Variants in DRC8 observed in about 807,000 individuals in gnomAD.
DRC8 encodes the protein dynein regulatory complex protein 8.
chr1:245,041,810 G>A, the DRC8 span, among the ~76,000 whole-genome samples: 128 of 152,138 alleles, frequency 8.4e-4, no homozygotes, highest in Non-Finnish European at 1.5e-3. Flanking sequence ...ACAGTGGGAT[G>A]CTCGCGCACA....
chr1:244,989,469 G>A, the DRC8 span, among the ~76,000 whole-genome samples: 1 of 152,078 alleles, frequency 6.6e-6, no homozygotes, highest in Non-Finnish European at 1.5e-5. Flanking sequence ...TGATGTTTGT[G>A]TCCTGATTAG....
chr1:244,971,060 G>T, the DRC8 span: 1 of 155,806 alleles, frequency 6.4e-6, no homozygotes, highest in African/African-American at 2.4e-5. Context: ...GCCTGATGGC[G>T]TTCGCGGCCA....
chr1:245,011,939 G>A, the DRC8 span, among the ~76,000 whole-genome samples: 431 of 152,256 alleles, frequency 2.8e-3, 1 homozygote, highest in African/African-American at 9.6e-3. Context: ...GCTCTGGCTG[G>A]GCGCAGTGGC....
the DRC8 span, among the ~76,000 whole-genome samples, chr1:245,112,614 C>T: frequency 6.6e-6 from 1 of 152,212 alleles, no homozygotes; most frequent in Non-Finnish European, 1.5e-5. Flanking sequence ...ATTTTAACCA[C>T]TTCCATGCAT....
At chr1:245,030,149 C>T in the DRC8 span, among the ~76,000 whole-genome samples, 39 of 152,296 alleles carry the variant, frequency 2.6e-4, no homozygotes, top group East Asian at 7.1e-3. Flanking sequence ...CAAAGAACAG[C>T]TCATGGTAGT....
At chr1:245,118,427 A>G in the DRC8 span, among the ~76,000 whole-genome samples, 1 of 152,198 alleles carries the variant, frequency 6.6e-6, no homozygotes, top group East Asian at 1.9e-4. Context: ...GGAGAACACC[A>G]TGTGTCACCT....
At chr1:245,002,383 A>G in the DRC8 span, among the ~76,000 whole-genome samples, 1 of 152,278 alleles carries the variant, frequency 6.6e-6, no homozygotes, top group Admixed American at 6.5e-5. Flanking sequence ...TTTGATAGCT[A>G]TTGTCCTTAA....
chr1:244,990,943 G>C, the DRC8 span, among the ~76,000 whole-genome samples: 1 of 152,016 alleles, frequency 6.6e-6, no homozygotes, highest in Non-Finnish European at 1.5e-5. Context: ...ACACCAACTG[G>C]GAGTCCTACA....
At chr1:245,083,672 G>C in the DRC8 span, 1 of 1,609,996 alleles carries the variant, frequency 6.2e-7, no homozygotes, top group South Asian at 1.1e-5. Flanking sequence ...AGCTGATCAA[G>C]TATATGACTG....
At chr1:245,039,424 A>G in the DRC8 span, among the ~76,000 whole-genome samples, 18 of 149,004 alleles carry the variant, frequency 1.2e-4, no homozygotes, top group South Asian at 1.5e-3. Flanking sequence ...GCAGTGAGCT[A>G]TGATGGCATC....
the DRC8 span, among the ~76,000 whole-genome samples, chr1:245,084,731 A>C: frequency 6.6e-6 from 1 of 152,170 alleles, no homozygotes; most frequent in Non-Finnish European, 1.5e-5. Flanking sequence ...AGAGTTGCTA[A>C]TCACTTGAGG....
At chr1:245,120,364 C>G in the DRC8 span, among the ~76,000 whole-genome samples, 1 of 152,180 alleles carries the variant, frequency 6.6e-6, no homozygotes, top group African/African-American at 2.4e-5. Flanking sequence ...CCTCATCGAT[C>G]TCAATGTCTG....
the DRC8 span, among the ~76,000 whole-genome samples, chr1:245,105,065 C>G: frequency 6.6e-6 from 1 of 152,240 alleles, no homozygotes; most frequent in Non-Finnish European, 1.5e-5. Flanking sequence ...CCTCTATTCC[C>G]TGTATTTCCC....
chr1:245,015,396 G>C, the DRC8 span, among the ~76,000 whole-genome samples: 2 of 152,122 alleles, frequency 1.3e-5, no homozygotes, highest in Admixed American at 6.6e-5. Flanking sequence ...AGCAAATCTT[G>C]TTGGCTCTGC....
chr1:244,990,611 C>T, the DRC8 span, among the ~76,000 whole-genome samples: 7 of 152,084 alleles, frequency 4.6e-5, no homozygotes, highest in African/African-American at 1.4e-4. Context: ...TTCGCTGGCT[C>T]CTATGTCACT....
At chr1:245,092,877 A>T in the DRC8 span, among the ~76,000 whole-genome samples, 1 of 152,206 alleles carries the variant, frequency 6.6e-6, no homozygotes, top group Non-Finnish European at 1.5e-5. Context: ...TGACAGAGAG[A>T]GACCTTGTCT....
At chr1:245,083,345 T>C in the DRC8 span, 1 of 1,096,816 alleles carries the variant, frequency 9.1e-7, no homozygotes, top group Non-Finnish European at 1.4e-6. Context: ...TCCATGAAAC[T>C]GGTCCCTGGT....
At chr1:245,124,532 C>T in the DRC8 span, 2 of 151,868 alleles carry the variant, frequency 1.3e-5, no homozygotes, top group African/African-American at 4.8e-5. Context: ...GCACTTTGAC[C>T]CACTTCCTTG....
the DRC8 span, among the ~76,000 whole-genome samples, chr1:245,064,967 G>C: frequency 6.6e-6 from 1 of 150,932 alleles, no homozygotes; most frequent in African/African-American, 2.4e-5. Context: ...GTATTTTTTG[G>C]TTCCAGGAAG....
Sources: gnomAD v4.1 joint callset for allele counts (sites outside exome capture counted in the v4.1 genomes callset) on GRCh38, gnomAD v4.1.1 for gene constraint, MANE v1.5 for transcripts, NCBI Gene and HGNC (gene_info 2026-07-23, HGNC 2026-07-21) for gene names.